Variants in STAG2 observed in about 807,000 individuals in gnomAD.
STAG2 encodes the protein cohesin subunit SA-2.
Under a neutral mutation model 108.1 loss-of-function variants are expected in STAG2, and 14 were observed. The ratio of observed to expected loss-of-function variants is 0.13; its 90% CI spans 0.09 to 0.20. The LOEUF is 0.20. STAG2 is among the 10% of genes least tolerant of loss of function. STAG2 has a pLI of 1.00. For synonymous variants in STAG2, 307 were observed against 302.7 expected (o/e 1.01, Z -0.15); for missense variants, 440 against 940.9 (o/e 0.47, Z 6.96).
intron 11 of STAG2, 150 bp downstream of exon 11, chrX:124,050,459 ATT>A: frequency 1.7e-6 from 1 of 602,217 alleles, no homozygotes. Flanking sequence ...GTAAAAACTT[ATT>A]TTCTATCACA....
intron 27 of STAG2, among the ~76,000 whole-genome samples, chrX:124,079,587 C>A (rs1360202360): frequency 9.0e-6 from 1 of 111,504 alleles, no homozygotes; most frequent in Non-Finnish European, 1.9e-5. Context: ...TGGAGGCCAG[C>A]CTGGGCAACA....
chrX:124,005,460 A>G (rs370378409), intron 1 of STAG2, among the ~76,000 whole-genome samples: 13 of 109,025 alleles, frequency 1.2e-4, no homozygotes, highest in African/African-American at 3.7e-4. Context: ...TCACTCCCCC[A>G]CCCCTTCTCT....
chrX:124,031,273 A>T (rs775809774), intron 5 of STAG2, 148 bp downstream of exon 5: 8 of 527,557 alleles, frequency 1.5e-5, no homozygotes, highest in Non-Finnish European at 1.9e-5. Flanking sequence ...AACTCTTGGG[A>T]TGTATTTCTT....
chrX:124,097,534 A>G (rs2059414410), intron 34 of STAG2, among the ~76,000 whole-genome samples: 1 of 111,878 alleles, frequency 8.9e-6, no homozygotes, highest in Non-Finnish European at 1.9e-5. Flanking sequence ...GCTAAAGCGA[A>G]TAAGACACTC....
chrX:124,048,993 G>GT lies in STAG2; in HGVS notation c.820-5dup, dbSNP rs762449299. 81 of 1,180,276 alleles carry GT rather than the reference G, an allele frequency of 6.9e-5. No individual in the cohort carries two copies. Among genetic ancestry groups the GT allele is most frequent in the South Asian group, 3.3e-4 (18 of 55,348 alleles). On this transcript the variant is annotated splice_polypyrimidine_tract_variant and intron_variant, in intron 9 of 34. Transcript: ENST00000371145. ...CTTTACAATTGAAAAGAAATGATGT[G>GT]TTTTTTTACAGCTTCAGGAAAATCA...
At chrX:123,998,616 ATCT>A (rs1299847504) in intron 1 of STAG2, among the ~76,000 whole-genome samples, 21 of 106,870 alleles carry the variant, frequency 2.0e-4, no homozygotes, top group Non-Finnish European at 3.5e-4. Context: ...CTATCTATCT[ATCT>A]ATCTATCTAT....
intron 24 of STAG2, among the ~76,000 whole-genome samples, chrX:124,069,281 A>G (rs184260299): frequency 8.9e-6 from 1 of 112,347 alleles, no homozygotes; most frequent in East Asian, 2.8e-4. Flanking sequence ...CGTGCTTTTC[A>G]AATGCTTTTA....
chrX:123,970,495 A>G (rs1324144449), intron 1 of STAG2, among the ~76,000 whole-genome samples: 1 of 111,650 alleles, frequency 9.0e-6, no homozygotes, highest in Non-Finnish European at 1.9e-5. Flanking sequence ...GTTTGGCACT[A>G]AATAAAGTTT....
intron 14 of STAG2, among the ~76,000 whole-genome samples, chrX:124,057,557 G>T (rs1300384147): frequency 2.7e-5 from 3 of 112,331 alleles, no homozygotes; most frequent in Non-Finnish European, 5.6e-5. Context: ...CTTTGTCAAT[G>T]TACTACTTTT....
chrX:124,078,947 C>T (rs1025232143), intron 27 of STAG2, among the ~76,000 whole-genome samples: 19 of 107,671 alleles, frequency 1.8e-4, no homozygotes, highest in South Asian at 4.3e-4. Context: ...CCAGCCTGGG[C>T]GACAGAGTGA....
Position 124,042,620 on chromosome X carries a change from G to A in STAG2, c.437G>A (p.Arg146Gln). ...FRHMQNSEII[R>Q]KMTEEFDEDS... ...CATATGCAGAACTCTGAGATAATTCGAAAAATGACTGAAGAATTCGATGAG... is the reference window on the plus strand; with the variant it reads ...CATATGCAGAACTCTGAGATAATTCAAAAAATGACTGAAGAATTCGATGAG... The change falls in exon 7 of 35, where the codon CGA (arginine) becomes CAA (glutamine). Residue 146 changes from arginine to glutamine, a missense_variant. Arg to Gln is a conservative substitution (Grantham distance 43). Transcript: ENST00000371145. 1 of 1,197,551 alleles carries A rather than the reference G, an allele frequency of 8.4e-7. No individual in the cohort carries two copies. The highest frequency in any genetic ancestry group is 1.1e-6 in the Non-Finnish European group (1 of 882,948).
At chrX:123,966,766 A>G (rs1334668624) in intron 1 of STAG2, among the ~76,000 whole-genome samples, 1 of 112,159 alleles carries the variant, frequency 8.9e-6, no homozygotes. Flanking sequence ...CATCTTCAGC[A>G]GCTGTGGTAA....
At chrX:123,981,318 G>A (rs1363625920) in intron 1 of STAG2, among the ~76,000 whole-genome samples, 30 of 106,836 alleles carry the variant, frequency 2.8e-4, no homozygotes, top group African/African-American at 9.9e-4. Context: ...TCCCTCCCTC[G>A]CTCCCTCCCA....
At chrX:124,030,246 A>G (rs1256575703) in intron 4 of STAG2, among the ~76,000 whole-genome samples, 1 of 112,213 alleles carries the variant, frequency 8.9e-6, no homozygotes, top group African/African-American at 3.2e-5. Flanking sequence ...CAAAAGCTGC[A>G]TAAGGGAGTA....
At chrX:124,066,893 A>G (rs1212607884) in intron 23 of STAG2, among the ~76,000 whole-genome samples, 1 of 112,116 alleles carries the variant, frequency 8.9e-6, no homozygotes. Flanking sequence ...CTATTAGTAC[A>G]TATAGAGCTT....
At chrX:124,028,722 A>G (rs184658380) in intron 4 of STAG2, among the ~76,000 whole-genome samples, 92 of 106,221 alleles carry the variant, frequency 8.7e-4, no homozygotes, top group Non-Finnish European at 1.5e-3. Context: ...AGAAATTTGT[A>G]GGCATCGCTA....
intron 1 of STAG2, among the ~76,000 whole-genome samples, chrX:123,973,981 G>T (rs975545299): frequency 9.0e-6 from 1 of 111,180 alleles, no homozygotes; most frequent in Non-Finnish European, 1.9e-5. Flanking sequence ...TTAAAATACC[G>T]TGTATTGGGT....
At chrX:123,997,284 T>A (rs2055778409) in intron 1 of STAG2, among the ~76,000 whole-genome samples, 1 of 112,538 alleles carries the variant, frequency 8.9e-6, no homozygotes, top group Admixed American at 9.4e-5. Flanking sequence ...ATGAGACAGA[T>A]TTCTAAAAAT....
At chrX:123,979,821 A>G (rs2054791154) in intron 1 of STAG2, among the ~76,000 whole-genome samples, 2 of 111,728 alleles carry the variant, frequency 1.8e-5, no homozygotes, top group South Asian at 7.4e-4. Flanking sequence ...CACAGCATAG[A>G]GCTTGATGTG....
Sources: gnomAD v4.1 joint callset for allele counts (sites outside exome capture counted in the v4.1 genomes callset) on GRCh38, gnomAD v4.1.1 for gene constraint, MANE v1.5 for transcripts, NCBI Gene and HGNC (gene_info 2026-07-23, HGNC 2026-07-21) for gene names.